The following TXNDC12 variants were observed in gnomAD, a reference collection of about 807,000 sequenced individuals.
The protein encoded by TXNDC12 is thioredoxin domain containing 12, also known as thioredoxin domain-containing protein 12.
A neutral mutation model predicts 24.2 loss-of-function variants in TXNDC12; 22 were observed. That is an observed-to-expected ratio of 0.91 (90% confidence interval 0.65 to 1.30). The LOEUF (loss-of-function observed/expected upper bound fraction) is 1.30. Among genes scored for constraint, TXNDC12 ranks in the 50% most tolerant of loss-of-function variants. TXNDC12 has a pLI of 0.00. For synonymous variants in TXNDC12, 58 were observed against 73.4 expected, an observed-to-expected ratio of 0.79 and a Z score of 1.07; for missense variants, 184 against 205.8, an observed-to-expected ratio of 0.89 and a Z score of 0.65.
chr1:52,039,359 C>T lies in TXNDC12; in HGVS notation c.158+2178G>A, dbSNP rs574627247. ...TTTTTTTTTTTTTGAGACCAAGTCTCGCTCTGTCTCCCAGGCTGGAGTGCA... is the reference window on the plus strand; with the variant it reads ...TTTTTTTTTTTTTGAGACCAAGTCTTGCTCTGTCTCCCAGGCTGGAGTGCA... On this transcript the variant is annotated intron_variant, in intron 2 of 6. Transcript: ENST00000371626. Among the ~76,000 whole-genome samples the T allele has an allele frequency of 3.3e-5, 5 of 151,654 alleles. No homozygotes were observed. In the East Asian group the frequency reaches 7.8e-4, roughly 24 times the overall value.
chr1:52,031,129 A>C (rs1271200661), intron 2 of TXNDC12, among the ~76,000 whole-genome samples: 1 of 149,806 alleles, frequency 6.7e-6, no homozygotes, highest in Non-Finnish European at 1.5e-5. Context: ...TTTTGTCATC[A>C]TCCTCTGACC....
In TXNDC12 at chr1:52,024,578, T is replaced by C. The variant is rs1685647030; in HGVS notation, c.287A>G (p.Asp96Gly). ...ATCTTCATCTTTGGGTTCCTCTTCA[T>C]CCTATTAAGATTAAATGTAAACCTT... ...SHNFVMVNLE[D>G]EEEPKDEDFS... Residue 96 changes from aspartate to glycine, a missense_variant and splice_region_variant, in exon 5 of 7, where the codon GAT (aspartate) becomes GGT (glycine). Asp to Gly is a moderately conservative substitution (Grantham distance 94). Coordinates refer to ENST00000371626, the MANE Select transcript of TXNDC12 (RefSeq NM_015913.4). 6.2e-7 allele frequency: 1 copy of C among 1,607,294 alleles called. No homozygotes were observed. The highest frequency in any genetic ancestry group is 1.3e-5 in the African/African-American group (1 of 74,654).
intron 2 of TXNDC12, chr1:52,033,834 G>A: frequency 6.8e-7 from 1 of 1,469,560 alleles, no homozygotes; most frequent in Non-Finnish European, 9.0e-7. Flanking sequence ...ACGTAAGCCG[G>A]AAGTGCAAAC....
At chr1:52,053,396 G>A (rs1686257560) in intron 1 of TXNDC12, among the ~76,000 whole-genome samples, 1 of 152,212 alleles carries the variant, frequency 6.6e-6, no homozygotes, top group Admixed American at 6.5e-5. Context: ...TGGGCGCAGT[G>A]GCTCATGCCT....
rs918944285 is a variant in TXNDC12, at chr1:52,032,500, C to T, written c.159-3870G>A. 2.2e-5 allele frequency: 30 copies of T among 1,349,042 alleles called. No individual in the cohort carries two copies. In the African/African-American group the frequency reaches 3.2e-4, roughly 14 times the overall value. The allele number at this position is 1,349,042 out of a possible 1,614,324, so 83.6% of individuals were successfully genotyped here. On this transcript the variant is annotated intron_variant, in intron 2 of 6. Transcript: ENST00000371626. ...GCCAGGTTGCACCACAATAGTTCTC[C>T]ATTCTCTTTAGTCTGAACTTATGCT... is the stretch of plus-strand genomic sequence containing the variant.
chr1:52,032,949 C>T, intron 2 of TXNDC12: 1 of 1,591,440 alleles, frequency 6.3e-7, no homozygotes, highest in African/African-American at 1.3e-5. Flanking sequence ...CCAACTGGTG[C>T]AGAAAGCTGC....
intron 1 of TXNDC12, among the ~76,000 whole-genome samples, chr1:52,045,443 TGAGAA>T (rs1388832948): frequency 2.0e-5 from 3 of 152,060 alleles, no homozygotes; most frequent in Non-Finnish European, 4.4e-5. Context: ...CTTATCCTTA[TGAGAA>T]GAGGAGATTA....
At chr1:52,055,207 AT>A (rs887808527), upstream of TXNDC12, 8,299 of 534,770 alleles carry the variant, frequency 0.016, no homozygotes, top group East Asian at 0.021. Flanking sequence ...TACTTCCCAG[AT>A]TTTTTTTTTT....
intron 4 of TXNDC12, among the ~76,000 whole-genome samples, chr1:52,025,794 T>G (rs546053151): frequency 5.3e-5 from 8 of 151,990 alleles, no homozygotes; most frequent in African/African-American, 1.9e-4. Flanking sequence ...TTCACAAGAG[T>G]CCCAGACCTA....
rs1685579697 is a variant in TXNDC12, at chr1:52,020,672, C to T, written c.*261G>A. On this transcript the variant is annotated 3_prime_UTR_variant, in exon 7 of 7. Coordinates refer to ENST00000371626, the MANE Select transcript of TXNDC12 (RefSeq NM_015913.4). Reference sequence around the variant, plus strand: ...GCTCAAGTTTTGTGTCAGAAGGTTTCATTCTTTACATTCAATGACAAGTTG... The same window carrying T: ...GCTCAAGTTTTGTGTCAGAAGGTTTTATTCTTTACATTCAATGACAAGTTG... 2 of 449,728 alleles carry T rather than the reference C, an allele frequency of 4.4e-6. No individual in the cohort carries two copies. The highest frequency in any genetic ancestry group is 7.8e-5 in the Admixed American group (2 of 25,504). The allele number at this position is 449,728 out of a possible 1,614,324, so 27.9% of individuals were successfully genotyped here.
At chr1:52,028,999 G>A (rs768783527) in intron 2 of TXNDC12, among the ~76,000 whole-genome samples, 6 of 152,060 alleles carry the variant, frequency 3.9e-5, no homozygotes, top group Non-Finnish European at 2.9e-5. Context: ...GTGGTGGCAC[G>A]TGCCTGTAGT....
intron 2 of TXNDC12, among the ~76,000 whole-genome samples, chr1:52,029,606 T>C (rs1397073680): frequency 1.3e-5 from 2 of 152,220 alleles, no homozygotes; most frequent in African/African-American, 4.8e-5. Context: ...CTGTACCTAT[T>C]ATTTACCCAT....
At chr1:52,033,773 G>A (rs1157439441) in intron 2 of TXNDC12, 2 of 1,562,302 alleles carry the variant, frequency 1.3e-6, no homozygotes, top group African/African-American at 1.4e-5. Context: ...CTCTCAGGGA[G>A]CGACCATTGG....
In TXNDC12 at chr1:52,039,341, T is replaced by C. The variant is rs184965385; in HGVS notation, c.158+2196A>G. Among the ~76,000 whole-genome samples the C allele has an allele frequency of 5.0e-3, 759 of 152,136 alleles. 11 individuals are homozygous for C. The highest frequency in any genetic ancestry group is 5.5e-3 in the Non-Finnish European group (376 of 67,978). ...AGAGTTGTAAGAGATTAATTTTTTT[T>C]TTTTTGAGACCAAGTCTCGCTCTGT... On this transcript the variant is annotated intron_variant, in intron 2 of 6. Coordinates refer to ENST00000371626, the MANE Select transcript of TXNDC12 (RefSeq NM_015913.4).
chr1:52,036,715 C>G (rs1044119496), intron 2 of TXNDC12, among the ~76,000 whole-genome samples: 6 of 152,154 alleles, frequency 3.9e-5, no homozygotes, highest in Admixed American at 6.6e-5. Flanking sequence ...TAATTAGAAC[C>G]TTCTGCCAGA....
At chr1:52,032,605 C>T (rs1317437711) in intron 2 of TXNDC12, 26 of 1,503,000 alleles carry the variant, frequency 1.7e-5, no homozygotes, top group Non-Finnish European at 2.2e-5. Context: ...AGTACTGCAT[C>T]GATATGCTCT....
At chr1:52,021,044 GAAGT>G (rs765151603) in intron 6 of TXNDC12, 32 bp from the exon 7 acceptor site, 9 of 1,502,472 alleles carry the variant, frequency 6.0e-6, no homozygotes, top group South Asian at 2.3e-5. Context: ...AAAAAAGTAT[GAAGT>G]AAGTAATGTT....
rs1043366107 is a variant in TXNDC12, at chr1:52,027,220, C to T, written c.285+55G>A. ...CTGTAATGAATATGCACGAATGATA[C>T]TAACTTTAAAAGTCTTAAAATCATA... On this transcript the variant is annotated intron_variant, in intron 4 of 6. Coordinates refer to ENST00000371626, the MANE Select transcript of TXNDC12 (RefSeq NM_015913.4). 2.9e-6 allele frequency: 4 copies of T among 1,379,132 alleles called. No individual in the cohort carries two copies. In the African/African-American group the frequency reaches 5.8e-5, roughly 20 times the overall value. 85.4% of individuals were successfully genotyped at this position (1,379,132 alleles called of 1,614,324 possible).
intron 2 of TXNDC12, among the ~76,000 whole-genome samples, chr1:52,031,600 C>T (rs1030739154): frequency 6.6e-6 from 1 of 152,174 alleles, no homozygotes; most frequent in African/African-American, 2.4e-5. Context: ...TCAAGCGATT[C>T]TCGTGCCTCA....
Sources: allele counts gnomAD v4.1 joint callset (sites outside exome capture counted in the v4.1 genomes callset), GRCh38; gene constraint gnomAD v4.1.1; transcripts MANE v1.5; gene names NCBI Gene and HGNC (gene_info 2026-07-23, HGNC 2026-07-21).